The following ATP10B variants were observed in gnomAD, a reference collection of about 807,000 sequenced individuals.
The protein encoded by ATP10B is phospholipid-transporting ATPase VB.
Under a neutral mutation model 141.2 loss-of-function variants are expected in ATP10B, and 122 were observed. The ratio of observed to expected loss-of-function variants is 0.86; its 90% CI spans 0.75 to 1.00. ATP10B has a LOEUF of 1.00. Among genes scored for constraint, ATP10B ranks in the 50% least tolerant of loss-of-function variants. ATP10B has a pLI of 0.00. For missense variants in ATP10B, 1,876 were observed against 1,825.3 expected (o/e 1.03, Z -0.51); for synonymous variants, 685 against 692.0 (o/e 0.99, Z 0.16).
At chr5:160,686,838 A>T in intron 5 of ATP10B, 2 of 508,248 alleles carry the variant, frequency 3.9e-6, no homozygotes, top group Non-Finnish European at 5.1e-6. Flanking sequence ...GGAGCATAGC[A>T]GTTGCTCAGT....
chr5:160,856,569 A>G (rs1754003467), upstream of ATP10B, among the ~76,000 whole-genome samples: 1 of 151,740 alleles, frequency 6.6e-6, no homozygotes, highest in Non-Finnish European at 1.5e-5. Context: ...AGTGAACATC[A>G]TTGTCTTGTT....
At chr5:160,816,753 A>G (rs1323357602) in intron 1 of ATP10B, among the ~76,000 whole-genome samples, 3 of 152,234 alleles carry the variant, frequency 2.0e-5, no homozygotes, top group Non-Finnish European at 2.9e-5. Flanking sequence ...AAAATCCTCA[A>G]TAAAATACTG....
At chr5:160,693,371 G>C (rs1444003559) in intron 3 of ATP10B, among the ~76,000 whole-genome samples, 2 of 148,056 alleles carry the variant, frequency 1.4e-5, no homozygotes, top group Non-Finnish European at 3.0e-5. Flanking sequence ...AGTATTTAGA[G>C]GTAAAGGGCA....
intron 7 of ATP10B, among the ~76,000 whole-genome samples, chr5:160,661,934 G>T (rs1277631766): frequency 6.6e-6 from 1 of 152,108 alleles, no homozygotes; most frequent in Non-Finnish European, 1.5e-5. Flanking sequence ...TAAGCTGACA[G>T]GCAACTTCAG....
At chr5:160,582,848 C>A (rs1307475873) in intron 24 of ATP10B, among the ~76,000 whole-genome samples, 1 of 152,056 alleles carries the variant, frequency 6.6e-6, no homozygotes, top group Non-Finnish European at 1.5e-5. Flanking sequence ...CTCTGATATC[C>A]TTTCTTCCAC....
At chr5:160,720,103 G>A (rs879773568) in intron 2 of ATP10B, among the ~76,000 whole-genome samples, 5 of 152,290 alleles carry the variant, frequency 3.3e-5, no homozygotes, top group South Asian at 2.1e-4. Context: ...TACTTGAATT[G>A]CAACTGCTAA....
chr5:160,835,797 C>G (rs1366661873), intron 1 of ATP10B, among the ~76,000 whole-genome samples: 1 of 152,114 alleles, frequency 6.6e-6, no homozygotes, highest in Non-Finnish European at 1.5e-5. Context: ...TATACAAAAA[C>G]AGCAGGTCCT....
intron 6 of ATP10B, among the ~76,000 whole-genome samples, chr5:160,682,447 C>T (rs779642941): frequency 3.3e-5 from 5 of 152,286 alleles, no homozygotes; most frequent in Non-Finnish European, 7.3e-5. Flanking sequence ...CTTGGTTTTC[C>T]GATGTTCCCT....
Position 160,594,975 on chromosome 5 carries a change from A to T in ATP10B, c.3564+3795T>A, listed in dbSNP as rs1210166926. On this transcript the variant is annotated intron_variant, in intron 22 of 25. Transcript: ENST00000327245. ...TTTAACACCCTACTGTCAACATTAG[A>T]CAGATCAATGAGACAGAAAGTTAAC... 2.0e-4 allele frequency among the ~76,000 whole-genome samples: 31 copies of T among 152,320 alleles called. No homozygotes were observed. In the East Asian group the frequency reaches 5.4e-3, roughly 27 times the overall value.
chr5:160,878,392 T>G, the ATP10B span, among the ~76,000 whole-genome samples: 2 of 151,666 alleles, frequency 1.3e-5, no homozygotes, highest in African/African-American at 4.8e-5. Flanking sequence ...TCAAGATGGA[T>G]TAAAGACTTA....
intron 1 of ATP10B, among the ~76,000 whole-genome samples, chr5:160,821,305 G>A (rs932991957): frequency 1.3e-4 from 19 of 151,860 alleles, no homozygotes; most frequent in African/African-American, 4.6e-4. Context: ...TTAATGTAAT[G>A]AAAGAAGTGG....
chr5:160,843,797 T>A (rs1341158026), intron 1 of ATP10B, among the ~76,000 whole-genome samples: 1 of 152,132 alleles, frequency 6.6e-6, no homozygotes, highest in Non-Finnish European at 1.5e-5. Flanking sequence ...AACAAAACAA[T>A]GCAGGGGTGT....
chr5:160,602,143 G>A (rs969387756), intron 21 of ATP10B, among the ~76,000 whole-genome samples: 8 of 152,132 alleles, frequency 5.3e-5, no homozygotes, highest in African/African-American at 1.9e-4. Context: ...CTTTATAAAC[G>A]ATTACGATAC....
intron 22 of ATP10B, among the ~76,000 whole-genome samples, chr5:160,595,204 G>C (rs1011830074): frequency 1.8e-4 from 28 of 152,338 alleles, no homozygotes; most frequent in Non-Finnish European, 1.2e-4. Flanking sequence ...TCAGAGCACA[G>C]TGCAATCAAA....
Position 160,841,612 on chromosome 5 carries a change from A to G in ATP10B, c.-576+10329T>C, listed in dbSNP as rs1266681848. On this transcript the variant is annotated intron_variant, in intron 1 of 25. Coordinates refer to ENST00000327245, the MANE Select transcript of ATP10B (RefSeq NM_025153.3). ...AAAACTGAAAAATAAACTCAGCTATATTTCAAATAAATAACATAACCTCAC... is the reference window on the plus strand; with the variant it reads ...AAAACTGAAAAATAAACTCAGCTATGTTTCAAATAAATAACATAACCTCAC... Among the ~76,000 whole-genome samples the G allele has an allele frequency of 2.6e-5, 4 of 152,204 alleles. No homozygotes were observed. In the East Asian group the frequency reaches 7.7e-4, roughly 29 times the overall value.
chr5:160,654,934 CA>C (rs1164901494), intron 7 of ATP10B, among the ~76,000 whole-genome samples: 3 of 152,166 alleles, frequency 2.0e-5, no homozygotes, highest in Non-Finnish European at 4.4e-5. Flanking sequence ...ATCCAGACAG[CA>C]AAGCCGGACA....
intron 2 of ATP10B, among the ~76,000 whole-genome samples, chr5:160,720,102 T>C (rs1246644392): frequency 6.6e-6 from 1 of 152,258 alleles, no homozygotes; most frequent in Non-Finnish European, 1.5e-5. Context: ...TTACTTGAAT[T>C]GCAACTGCTA....
the ATP10B span, among the ~76,000 whole-genome samples, chr5:160,869,370 G>A: frequency 3.3e-5 from 5 of 151,950 alleles, no homozygotes; most frequent in Non-Finnish European, 7.4e-5. Flanking sequence ...GTTAAAAGGA[G>A]CTAAGTATAG....
chr5:160,899,158 T>C, the ATP10B span, among the ~76,000 whole-genome samples: 1 of 152,076 alleles, frequency 6.6e-6, no homozygotes, highest in African/African-American at 2.4e-5. Context: ...AGAGACAATA[T>C]AAAAGCATTT....
Sources: allele counts gnomAD v4.1 joint callset (sites outside exome capture counted in the v4.1 genomes callset), GRCh38; gene constraint gnomAD v4.1.1; transcripts MANE v1.5; gene names NCBI Gene and HGNC (gene_info 2026-07-23, HGNC 2026-07-21).